The following GJA3 variants were observed in gnomAD, a reference collection of about 807,000 sequenced individuals.
GJA3 encodes gap junction alpha-3 protein.
For synonymous variants in GJA3, 297 were observed against 292.6 expected (o/e 1.02, Z -0.15); for missense variants, 571 against 620.3 (o/e 0.92, Z 0.84).
At chr13:20,161,519 G>A (rs1173987077), upstream of GJA3, among the ~76,000 whole-genome samples, 1 of 152,106 alleles carries the variant, frequency 6.6e-6, no homozygotes, top group Non-Finnish European at 1.5e-5. Flanking sequence ...CGGGCACCTA[G>A]GTCTCGCCCG....
intron 1 of GJA3, among the ~76,000 whole-genome samples, chr13:20,154,452 T>C (rs1226246769): frequency 6.6e-6 from 1 of 152,226 alleles, no homozygotes; most frequent in Non-Finnish European, 1.5e-5. Context: ...CTTTTCTAGT[T>C]CTAATAGATT....
chr13:20,148,094 CACAG>C lies in GJA3; in HGVS notation c.-17-4793_-17-4790del, dbSNP rs536853310. Among the ~76,000 whole-genome samples, 648 of 152,236 alleles carry C rather than the reference CACAG, an allele frequency of 4.3e-3. 4 individuals carry two copies. The highest frequency in any genetic ancestry group is 0.015 in the African/African-American group (610 of 41,528). On this transcript the variant is annotated intron_variant, in intron 1 of 1. Coordinates refer to ENST00000241125, the MANE Select transcript of GJA3 (RefSeq NM_021954.4). ...TGAATAAATGAAAATTTAACCAGAACACAGACAATCTATCTGGGAGACTGACAAC... is the reference window on the plus strand; with the variant it reads ...TGAATAAATGAAAATTTAACCAGAACACAATCTATCTGGGAGACTGACAAC...
In GJA3 at chr13:20,141,771, G is replaced by T; in HGVS notation, c.*210C>A. 1.5e-6 allele frequency: 1 copy of T among 683,920 alleles called. No individual in the cohort carries two copies. The highest frequency in any genetic ancestry group is 2.3e-6 in the Non-Finnish European group (1 of 434,544). 42.4% of individuals were successfully genotyped at this position (683,920 alleles called of 1,614,324 possible). A position where few individuals can be genotyped will look rare whatever the true frequency, so the allele number is the denominator to read the frequency against. On this transcript the variant is annotated 3_prime_UTR_variant, in exon 2 of 2. Transcript: ENST00000241125. ...CCGCCACCCCCAAACTCAGAAAGTG[G>T]GAGTTATCCCCACTGTAACTCACAG...
chr13:20,145,562 T>A (rs562161135), intron 1 of GJA3, among the ~76,000 whole-genome samples: 4 of 152,314 alleles, frequency 2.6e-5, no homozygotes, highest in African/African-American at 9.6e-5. Context: ...CCCAATGGCA[T>A]CTATGCCCCT....
rs1284753246 is a variant in GJA3, at chr13:20,141,873, C to T, written c.*108G>A. On this transcript the variant is annotated 3_prime_UTR_variant, in exon 2 of 2. Coordinates refer to ENST00000241125, the MANE Select transcript of GJA3 (RefSeq NM_021954.4). ...CCACCTCCTGGGACTCCAGTCGCTC[C>T]CACCTCCTGGGACTTTCAGGTTCTA... 4 of 1,493,526 alleles carry T rather than the reference C, an allele frequency of 2.7e-6. No individual in the cohort carries two copies. Among genetic ancestry groups the T allele is most frequent in the Non-Finnish European group, 3.6e-6 (4 of 1,109,682 alleles). 92.5% of individuals were successfully genotyped at this position (1,493,526 alleles called of 1,614,324 possible). A position where few individuals can be genotyped will look rare whatever the true frequency, so the allele number is the denominator to read the frequency against.
At chr13:20,158,118 G>T (rs892514087) in intron 1 of GJA3, among the ~76,000 whole-genome samples, 4 of 152,150 alleles carry the variant, frequency 2.6e-5, no homozygotes, top group African/African-American at 9.7e-5. Context: ...GGGATTACAT[G>T]CATGAGCCAC....
At chr13:20,144,947 A>G (rs1394325329) in intron 1 of GJA3, among the ~76,000 whole-genome samples, 2 of 152,208 alleles carry the variant, frequency 1.3e-5, no homozygotes, top group Admixed American at 1.3e-4. Flanking sequence ...TTGGGAGGCT[A>G]AGGCGGAAGG....
At chr13:20,158,182 C>T (rs1285505671) in intron 1 of GJA3, among the ~76,000 whole-genome samples, 3 of 152,160 alleles carry the variant, frequency 2.0e-5, no homozygotes, top group Non-Finnish European at 4.4e-5. Context: ...TTTACTCTTG[C>T]TTAGTGAACA....
intron 1 of GJA3, 83 bp from the exon 2 acceptor site, chr13:20,143,388 G>A (rs1958824798): frequency 2.1e-6 from 2 of 937,170 alleles, no homozygotes; most frequent in African/African-American, 3.3e-5. Flanking sequence ...CAGCGGCCTG[G>A]ATGGTACTGG....
Position 20,140,483 on chromosome 13 carries a change from T to G in GJA3, c.*1498A>C, listed in dbSNP as rs1416120334. On this transcript the variant is annotated 3_prime_UTR_variant, in exon 2 of 2. Transcript: ENST00000241125. Reference sequence around the variant, plus strand: ...TATAAAAAGAAATGTATTACATTGGTCTCGCTGAACAAGGGCTAATGATAC... The same window carrying G: ...TATAAAAAGAAATGTATTACATTGGGCTCGCTGAACAAGGGCTAATGATAC... The G allele has an allele frequency of 2.0e-5, 3 of 152,170 alleles. No individual in the cohort carries two copies. Among genetic ancestry groups the G allele is most frequent in the African/African-American group, 7.2e-5 (3 of 41,440 alleles). 9.4% of individuals were successfully genotyped at this position (152,170 alleles called of 1,614,324 possible).
At chr13:20,157,821 A>C (rs1958914823) in intron 1 of GJA3, among the ~76,000 whole-genome samples, 1 of 152,156 alleles carries the variant, frequency 6.6e-6, no homozygotes, top group Non-Finnish European at 1.5e-5. Flanking sequence ...AAAATGGTTA[A>C]ATATTACTGA....
chr13:20,154,945 G>A (rs1478173597), intron 1 of GJA3, among the ~76,000 whole-genome samples: 1 of 152,098 alleles, frequency 6.6e-6, no homozygotes, highest in African/African-American at 2.4e-5. Flanking sequence ...TGAACTACTG[G>A]GCTCAAGCAA....
At chr13:20,156,371 A>ACC (rs1958907145) in intron 1 of GJA3, among the ~76,000 whole-genome samples, 3 of 152,004 alleles carry the variant, frequency 2.0e-5, no homozygotes, top group African/African-American at 7.3e-5. Context: ...GAGTGGCATG[A>ACC]TCTTGGCTCA....
chr13:20,142,363 C>A lies in GJA3; in HGVS notation c.926G>T (p.Gly309Val). 1 of 1,535,984 alleles carries A rather than the reference C, an allele frequency of 6.5e-7. No individual in the cohort carries two copies. Among genetic ancestry groups the A allele is most frequent in the South Asian group, 1.2e-5 (1 of 81,288 alleles). Reference sequence around the variant, plus strand: ...GCCGTTGTAGAGCTTGGCGGACTGGCCCTTTCCGCGCGCCTCGGTCAGGGC... The same window carrying A: ...GCCGTTGTAGAGCTTGGCGGACTGGACCTTTCCGCGCGCCTCGGTCAGGGC... Reference protein sequence around the residue: ...LLALTEARGKGQSAKLYNGHH... With the variant: ...LLALTEARGKVQSAKLYNGHH... Residue 309 changes from glycine to valine, a missense_variant, in exon 2 of 2, where the codon GGC (glycine) becomes GTC (valine). Gly to Val is a moderately radical substitution (Grantham distance 109). Transcript: ENST00000241125.
At position 20,142,275 on chromosome 13, in the gene GJA3, C is replaced by T. The variant is rs756709065; in HGVS notation, c.1014G>A (p.Pro338=). 7.7e-6 allele frequency: 12 copies of T among 1,564,282 alleles called. No individual in the cohort carries two copies. The East Asian group carries it at 9.7e-5, about 13-fold the overall frequency. Residue 338 remains proline, a synonymous_variant, in exon 2 of 2, where the codon CCG becomes CCA. Coordinates refer to ENST00000241125, the MANE Select transcript of GJA3 (RefSeq NM_021954.4). The stretch of plus-strand genomic sequence containing the variant: ...ACGCTGCCGGGTAAGCCTTGAGCGC[C>T]GGGGGCTGCCGCTCGGCCGCCTGGT... ...WANQAAERQP[P]ALKAYPAAST... is the part of the protein sequence containing the mutation.
At chr13:20,153,893 G>A (rs1241938002) in intron 1 of GJA3, among the ~76,000 whole-genome samples, 1 of 151,726 alleles carries the variant, frequency 6.6e-6, no homozygotes, top group Non-Finnish European at 1.5e-5. Context: ...CAGCATGAAA[G>A]AGGAAAATCC....
chr13:20,161,087 C>G (rs149880779), upstream of GJA3: 335 of 153,468 alleles, frequency 2.2e-3, 1 homozygote, highest in South Asian at 7.9e-3. Context: ...CAGCTCAGGA[C>G]GCCGCGCCAC....
In GJA3 at chr13:20,139,225, G is replaced by C. The variant is rs946185626; in HGVS notation, c.*2756C>G. The C allele has an allele frequency of 6.6e-6, 1 of 152,038 alleles. No homozygotes were observed. Among genetic ancestry groups the C allele is most frequent in the Non-Finnish European group, 1.5e-5 (1 of 67,982 alleles). The allele number at this position is 152,038 out of a possible 1,614,324, so 9.4% of individuals were successfully genotyped here. A position where few individuals can be genotyped will look rare whatever the true frequency, so the allele number is the denominator to read the frequency against. On this transcript the variant is annotated 3_prime_UTR_variant, in exon 2 of 2. Coordinates refer to ENST00000241125, the MANE Select transcript of GJA3 (RefSeq NM_021954.4). ...ACATTTTATAAAAACAGGGATATAAGAAGTAATTGTATACAGCAGCTTAAA... is the reference window on the plus strand; with the variant it reads ...ACATTTTATAAAAACAGGGATATAACAAGTAATTGTATACAGCAGCTTAAA...
At chr13:20,143,359 C>T (rs1958824536) in intron 1 of GJA3, 54 bp from the exon 2 acceptor site, 1 of 1,315,610 alleles carries the variant, frequency 7.6e-7, no homozygotes, top group East Asian at 2.4e-5. Flanking sequence ...AGTGCCGGGT[C>T]CGCACCCATG....
Sources: allele counts gnomAD v4.1 joint callset (sites outside exome capture counted in the v4.1 genomes callset), GRCh38; gene constraint gnomAD v4.1.1; transcripts MANE v1.5; gene names NCBI Gene and HGNC (gene_info 2026-07-23, HGNC 2026-07-21).